The following PRUNE2 variants were observed in gnomAD, a reference collection of about 807,000 sequenced individuals.
The protein encoded by PRUNE2 is protein prune homolog 2.
Under a neutral mutation model 252.0 loss-of-function variants are expected in PRUNE2, and 164 were observed. That is an observed-to-expected ratio of 0.65 (90% CI 0.57 to 0.74). The LOEUF is 0.74. Among genes scored for constraint, PRUNE2 ranks in the 30% least tolerant of loss-of-function variants. The probability of loss-of-function intolerance (pLI) is 0.00; values close to 1 mark genes in which losing one functional copy is unlikely to be tolerated. For missense variants in PRUNE2, 3,495 were observed against 3,711.0 expected (o/e 0.94, Z 1.51); for synonymous variants, 1,292 against 1,350.2 (o/e 0.96, Z 0.94).
chr9:76,846,084 G>A (rs2059657017), intron 4 of PRUNE2, among the ~76,000 whole-genome samples: 1 of 152,114 alleles, frequency 6.6e-6, no homozygotes, highest in African/African-American at 2.4e-5. Context: ...CAAAATGAAG[G>A]GTACGTATTT....
In PRUNE2 at chr9:76,716,089, C is replaced by T. The variant is rs564737932; in HGVS notation, c.757-2368G>A. 5.9e-5 allele frequency among the ~76,000 whole-genome samples: 9 copies of T among 152,128 alleles called. No individual in the cohort carries two copies. The South Asian group carries it at 8.3e-4, about 14-fold the overall frequency. On this transcript the variant is annotated intron_variant, in intron 6 of 18. Coordinates refer to ENST00000376718, the MANE Select transcript of PRUNE2 (RefSeq NM_015225.3). ...ACAAAATTCTCACTACACTCCTGGCCGGGTCACTGAAACAAGAGGGGGCAG... is the reference window on the plus strand; with the variant it reads ...ACAAAATTCTCACTACACTCCTGGCTGGGTCACTGAAACAAGAGGGGGCAG...
chr9:76,624,630 G>A (rs912073370), intron 16 of PRUNE2, 140 bp from the exon 17 acceptor site: 38 of 510,108 alleles, frequency 7.4e-5, no homozygotes, highest in African/African-American at 3.5e-4. Flanking sequence ...GCCCTGAGAC[G>A]TACTCCTTCC....
intron 1 of PRUNE2, among the ~76,000 whole-genome samples, chr9:76,896,763 C>G (rs1024461321): frequency 2.0e-5 from 3 of 152,120 alleles, no homozygotes; most frequent in African/African-American, 7.2e-5. Context: ...TGCCTAGACC[C>G]CCTGACATCG....
rs1833428046 is a variant in PRUNE2 at position 76,623,689 on chromosome 9, T to C, written c.9188+763A>G. Among the ~76,000 whole-genome samples, 3 of 152,214 alleles carry C rather than the reference T, an allele frequency of 2.0e-5. No individual in the cohort carries two copies. The South Asian group carries it at 6.2e-4, about 31-fold the overall frequency. On this transcript the variant is annotated intron_variant, in intron 17 of 18. Transcript: ENST00000376718. ...TGTCCAGTGGAAAAGACAACCTCAA[T>C]ATTACAGTTTATTGCCCTGTTGTTT...
intron 1 of PRUNE2, among the ~76,000 whole-genome samples, chr9:76,898,626 T>A (rs2062984342): frequency 6.6e-6 from 1 of 151,624 alleles, no homozygotes; most frequent in Non-Finnish European, 1.5e-5. Context: ...TACATTAAAG[T>A]AAAAAAATTA....
chr9:76,780,758 T>C (rs1183597891), intron 6 of PRUNE2, among the ~76,000 whole-genome samples: 1 of 151,906 alleles, frequency 6.6e-6, no homozygotes, highest in Non-Finnish European at 1.5e-5. Context: ...TTTTTGTTTT[T>C]GTTTTCAGAT....
At chr9:76,767,155 CA>C (rs2052496063) in intron 6 of PRUNE2, among the ~76,000 whole-genome samples, 3 of 152,084 alleles carry the variant, frequency 2.0e-5, no homozygotes, top group Non-Finnish European at 4.4e-5. Context: ...AGGACCTATT[CA>C]AAACAGAATC....
chr9:76,801,927 T>C (rs1401299989), intron 6 of PRUNE2, among the ~76,000 whole-genome samples: 1 of 152,124 alleles, frequency 6.6e-6, no homozygotes, highest in African/African-American at 2.4e-5. Flanking sequence ...TAGCAATGTA[T>C]TCTTATAAGG....
At chr9:76,836,246 C>A (rs1169872815) in intron 4 of PRUNE2, among the ~76,000 whole-genome samples, 1 of 151,292 alleles carries the variant, frequency 6.6e-6, no homozygotes, top group African/African-American at 2.4e-5. Context: ...TCTGGCGGGT[C>A]TGTAACTGTT....
At chr9:76,700,731 G>A (rs934684104) in intron 9 of PRUNE2, among the ~76,000 whole-genome samples, 2 of 152,068 alleles carry the variant, frequency 1.3e-5, no homozygotes, top group Non-Finnish European at 2.9e-5. Flanking sequence ...ATGGGCCCTG[G>A]GCACTCTGTC....
intron 7 of PRUNE2, among the ~76,000 whole-genome samples, chr9:76,713,180 C>A (rs1442563382): frequency 6.6e-6 from 1 of 151,878 alleles, no homozygotes; most frequent in Non-Finnish European, 1.5e-5. Context: ...GACAAACTAA[C>A]TTTGATTAAA....
chr9:76,850,752 A>G, intron 2 of PRUNE2, 87 bp from the exon 3 acceptor site: 1 of 1,015,868 alleles, frequency 9.8e-7, no homozygotes, highest in Non-Finnish European at 1.5e-6. Context: ...GGTAACTGGT[A>G]AAAGGAATAG....
chr9:76,811,169 A>C (rs1455872026), intron 6 of PRUNE2, among the ~76,000 whole-genome samples: 2 of 152,220 alleles, frequency 1.3e-5, no homozygotes, highest in African/African-American at 4.8e-5. Context: ...TAAACCATCA[A>C]AATGACATTA....
rs369109950 is a variant in PRUNE2, at chr9:76,783,384, G to GC, written c.756+40247dup. The stretch of plus-strand genomic sequence containing the variant: ...ACTCCTGACCTCAGGTGACCCACCT[G>GC]CCTCAGCCTCCCAAAGTGCTGGGAT... On this transcript the variant is annotated intron_variant, in intron 6 of 18. Coordinates refer to ENST00000376718, the MANE Select transcript of PRUNE2 (RefSeq NM_015225.3). Among the ~76,000 whole-genome samples, 758 of 152,226 alleles carry GC rather than the reference G, an allele frequency of 5.0e-3. 4 individuals are homozygous for GC. Among genetic ancestry groups the GC allele is most frequent in the African/African-American group, 0.017 (721 of 41,544 alleles).
intron 6 of PRUNE2, among the ~76,000 whole-genome samples, chr9:76,796,576 T>C (rs9792494): frequency 0.092 from 14,046 of 152,222 alleles, 1,251 homozygotes; most frequent in African/African-American, 0.22. Context: ...ATAAAATGGG[T>C]AGACTGAAAG....
chr9:76,638,371 C>G, intron 12 of PRUNE2, 83 bp from the exon 13 acceptor site: 1 of 917,008 alleles, frequency 1.1e-6, no homozygotes. Context: ...AAATATGAAG[C>G]CTTGGCAAGT....
intron 6 of PRUNE2, among the ~76,000 whole-genome samples, chr9:76,763,137 C>T (rs2051919007): frequency 1.3e-5 from 2 of 152,128 alleles, no homozygotes; most frequent in African/African-American, 4.8e-5. Context: ...TTCTTCTGGT[C>T]GGGGCAGCAT....
chr9:76,834,948 C>T (rs1437506944), intron 4 of PRUNE2, among the ~76,000 whole-genome samples: 5 of 152,150 alleles, frequency 3.3e-5, no homozygotes, highest in Non-Finnish European at 7.4e-5. Flanking sequence ...ACCTAACTTA[C>T]AGCAAATTTT....
At chr9:76,852,793 CATCT>C (rs1478621079) in intron 2 of PRUNE2, among the ~76,000 whole-genome samples, 1 of 146,484 alleles carries the variant, frequency 6.8e-6, no homozygotes, top group East Asian at 2.0e-4. Flanking sequence ...TTTATCTAGC[CATCT>C]GTCTGTCTGT....
Sources: gnomAD v4.1 joint callset for allele counts (sites outside exome capture counted in the v4.1 genomes callset) on GRCh38, gnomAD v4.1.1 for gene constraint, MANE v1.5 for transcripts, NCBI Gene and HGNC (gene_info 2026-07-23, HGNC 2026-07-21) for gene names.